The following IL1RAPL1 variants were observed in gnomAD, a reference collection of about 807,000 sequenced individuals.
IL1RAPL1 encodes the protein interleukin-1 receptor accessory protein-like 1.
A neutral mutation model predicts 48.4 loss-of-function variants in IL1RAPL1; 3 were observed. The ratio of observed to expected loss-of-function variants is 0.06; its 90% CI spans 0.03 to 0.16. The LOEUF (loss-of-function observed/expected upper bound fraction) is 0.16. Among genes scored for constraint, IL1RAPL1 ranks in the 10% least tolerant of loss-of-function variants. IL1RAPL1 has a pLI of 1.00. For missense variants in IL1RAPL1, 349 were observed against 530.6 expected (o/e 0.66, Z 3.36); for synonymous variants, 185 against 187.7 (o/e 0.99, Z 0.12).
intron 1 of IL1RAPL1, among the ~76,000 whole-genome samples, chrX:28,748,812 TC>T (rs1936008040): frequency 9.0e-6 from 1 of 111,545 alleles, no homozygotes; most frequent in Non-Finnish European, 1.9e-5. Context: ...CAAACCTTCT[TC>T]TAGCTATTTT....
At chrX:29,543,584 C>G (rs1478485967) in intron 5 of IL1RAPL1, among the ~76,000 whole-genome samples, 1 of 66,994 alleles carries the variant, frequency 1.5e-5, no homozygotes, top group African/African-American at 7.2e-5. Flanking sequence ...TCTTTTTAAA[C>G]AAAAGACATA....
chrX:29,093,671 C>A (rs913885486), intron 2 of IL1RAPL1, among the ~76,000 whole-genome samples: 1 of 112,223 alleles, frequency 8.9e-6, no homozygotes, highest in Non-Finnish European at 1.9e-5. Context: ...ATTATCATCT[C>A]ATTTAATCCT....
At chrX:29,720,816 C>T (rs768277541) in intron 6 of IL1RAPL1, among the ~76,000 whole-genome samples, 3 of 111,495 alleles carry the variant, frequency 2.7e-5, no homozygotes, top group East Asian at 5.6e-4. Context: ...AATTGCCCAG[C>T]GTAACTGTAT....
intron 6 of IL1RAPL1, among the ~76,000 whole-genome samples, chrX:29,730,589 G>A (rs747316682): frequency 3.6e-5 from 4 of 111,568 alleles, no homozygotes; most frequent in Admixed American, 2.9e-4. Flanking sequence ...TTATCCTCTT[G>A]TTTCAGTGAT....
chrX:28,808,727 A>G (rs1290576409), intron 2 of IL1RAPL1, among the ~76,000 whole-genome samples: 1 of 111,097 alleles, frequency 9.0e-6, no homozygotes, highest in Non-Finnish European at 1.9e-5. Context: ...GCTTATAAAT[A>G]TGAAGCCTTT....
intron 2 of IL1RAPL1, among the ~76,000 whole-genome samples, chrX:28,991,281 CAT>C (rs748584175): frequency 8.1e-5 from 9 of 111,791 alleles, no homozygotes; most frequent in African/African-American, 2.3e-4. Flanking sequence ...TCACTTAAAA[CAT>C]ATGATTGGCA....
intron 8 of IL1RAPL1, among the ~76,000 whole-genome samples, chrX:29,931,172 A>ATT (rs1333597350): frequency 9.4e-6 from 1 of 106,586 alleles, no homozygotes; most frequent in Non-Finnish European, 1.9e-5. Context: ...GGGAGGGGGG[A>ATT]TTTTTTTTTT....
chrX:29,715,112 G>T (rs373205912), intron 6 of IL1RAPL1, among the ~76,000 whole-genome samples: 1 of 111,287 alleles, frequency 9.0e-6, no homozygotes, highest in East Asian at 2.8e-4. Flanking sequence ...TTTCTTCATT[G>T]CCAGCTATTG....
intron 6 of IL1RAPL1, among the ~76,000 whole-genome samples, chrX:29,791,368 T>C (rs1451516489): frequency 9.0e-6 from 1 of 110,972 alleles, no homozygotes; most frequent in African/African-American, 3.3e-5. Flanking sequence ...ATGGCAGGTA[T>C]CAAAAAATTA....
At chrX:28,939,295 A>G (rs1242617188) in intron 2 of IL1RAPL1, among the ~76,000 whole-genome samples, 12 of 111,494 alleles carry the variant, frequency 1.1e-4, no homozygotes, top group Admixed American at 5.8e-4. Flanking sequence ...CTGTCCATCA[A>G]TGACAGACTG....
chrX:29,274,427 C>T lies in IL1RAPL1; in HGVS notation c.83-8511C>T, dbSNP rs910599079. Among the ~76,000 whole-genome samples, 3 of 112,423 alleles carry T rather than the reference C, an allele frequency of 2.7e-5. No homozygotes were observed. In the Admixed American group the frequency reaches 2.8e-4, roughly 11 times the overall value. On this transcript the variant is annotated intron_variant, in intron 2 of 10. Coordinates refer to ENST00000378993, the MANE Select transcript of IL1RAPL1 (RefSeq NM_014271.4). ...TTAAAAGTTCTCACTTAGAAATTCA[C>T]TTGGCGGAGCAGTACACAAGCTGTG...
chrX:28,982,011 C>G (rs1316945433), intron 2 of IL1RAPL1, among the ~76,000 whole-genome samples: 1 of 111,651 alleles, frequency 9.0e-6, no homozygotes, highest in African/African-American at 3.3e-5. Flanking sequence ...TAAAATATAC[C>G]AGTACCTTAA....
At position 29,858,498 on chromosome X, in the gene IL1RAPL1, T is replaced by C. The variant is rs143848156; in HGVS notation, c.779-58966T>C. ...AATGCCAGCCATTTTTTATGGTTCATTGTGGCATAAGAATTGTTCTAGAAT... is the reference window on the plus strand; with the variant it reads ...AATGCCAGCCATTTTTTATGGTTCACTGTGGCATAAGAATTGTTCTAGAAT... On this transcript the variant is annotated intron_variant, in intron 6 of 10. Coordinates refer to ENST00000378993, the MANE Select transcript of IL1RAPL1 (RefSeq NM_014271.4). Among the ~76,000 whole-genome samples, 733 of 111,434 alleles carry C rather than the reference T, an allele frequency of 6.6e-3. 3 individuals carry two copies. The highest frequency in any genetic ancestry group is 0.01 in the Non-Finnish European group (532 of 53,015).
chrX:29,407,209 C>A (rs1157771001), intron 5 of IL1RAPL1, among the ~76,000 whole-genome samples: 1 of 111,622 alleles, frequency 9.0e-6, no homozygotes, highest in Non-Finnish European at 1.9e-5. Flanking sequence ...TAGAAGCCCC[C>A]ATATGCCCTT....
chrX:29,321,573 C>T (rs781436439), intron 3 of IL1RAPL1, among the ~76,000 whole-genome samples: 53 of 111,552 alleles, frequency 4.8e-4, no homozygotes, highest in African/African-American at 1.5e-3. Context: ...TGTGTGTAGT[C>T]GCACAGTGAT....
At chrX:29,397,294 T>A (rs1178913813) in intron 4 of IL1RAPL1, among the ~76,000 whole-genome samples, 5 of 112,363 alleles carry the variant, frequency 4.4e-5, no homozygotes, top group Non-Finnish European at 7.5e-5. Context: ...AATGTCAGTA[T>A]ACAGAATGTG....
intron 5 of IL1RAPL1, among the ~76,000 whole-genome samples, chrX:29,450,938 A>G (rs184768470): frequency 1.8e-5 from 2 of 110,438 alleles, no homozygotes; most frequent in African/African-American, 6.6e-5. Context: ...TAAGGTGCCG[A>G]TATCTGTGTA....
intron 2 of IL1RAPL1, among the ~76,000 whole-genome samples, chrX:28,856,206 G>A (rs930254222): frequency 1.8e-5 from 2 of 111,988 alleles, no homozygotes; most frequent in Admixed American, 9.5e-5. Context: ...ATGAACCTAT[G>A]TAGGCAAATC....
In IL1RAPL1 at chrX:28,768,356, A is replaced by T. The variant is rs751621330; in HGVS notation, c.-24-20964A>T. ...ATTGGCTCTCTTTCCAAGCACAGTT[A>T]TGACACTGAGAATTGGTACTGTATG... On this transcript the variant is annotated intron_variant, in intron 1 of 10. Coordinates refer to ENST00000378993, the MANE Select transcript of IL1RAPL1 (RefSeq NM_014271.4). Among the ~76,000 whole-genome samples, 6 of 110,752 alleles carry T rather than the reference A, an allele frequency of 5.4e-5. No individual in the cohort carries two copies. The East Asian group carries it at 1.4e-3, about 26-fold the overall frequency.
Sources: gnomAD v4.1 joint callset for allele counts (sites outside exome capture counted in the v4.1 genomes callset) on GRCh38, gnomAD v4.1.1 for gene constraint, MANE v1.5 for transcripts, NCBI Gene and HGNC (gene_info 2026-07-23, HGNC 2026-07-21) for gene names.